SERINC5: variants seen among roughly 807,000 people sequenced by gnomAD.
The protein encoded by SERINC5 is chromosome 5 open reading frame 12.
SERINC5 carries 41 observed loss-of-function variants against 63.1 expected under a neutral mutation model. The observed-to-expected ratio is 0.65, with a 90% confidence interval of 0.51 to 0.84. The LOEUF is 0.84. Among genes scored for constraint, SERINC5 ranks in the 40% least tolerant of loss-of-function variants. The pLI is 0.00. For synonymous variants in SERINC5, 222 were observed against 215.2 expected (o/e 1.03, Z -0.28); for missense variants, 523 against 573.0 (o/e 0.91, Z 0.89).
At position 80,122,197 on chromosome 5, in the gene SERINC5, G is replaced by GTA. The variant is rs10700420; in HGVS notation, c.1239-8574_1239-8573dup. Among the ~76,000 whole-genome samples the GTA allele has an allele frequency of 4.1e-3, 484 of 116,726 alleles. 24 individuals carry two copies. Among genetic ancestry groups the GTA allele is most frequent in the African/African-American group, 0.014 (361 of 25,292 alleles). The allele number at this position is 116,726 out of a possible 152,430, so 76.6% of individuals were successfully genotyped here. A position where few individuals can be genotyped will look rare whatever the true frequency, so the allele number is the denominator to read the frequency against. ...CTTCTCTAGAGGGACAGAACTAATA[G>GTA]TATATATATATATATAATATGAGTT... is the stretch of plus-strand genomic sequence containing the variant. On this transcript the variant is annotated intron_variant, in intron 11 of 12. Coordinates refer to the SERINC5 transcript ENST00000509193.
downstream of SERINC5, among the ~76,000 whole-genome samples, chr5:80,136,183 TG>T (rs1451770343): frequency 1.3e-5 from 2 of 152,032 alleles, no homozygotes; most frequent in Non-Finnish European, 2.9e-5. Context: ...CTCGGGAGGC[TG>T]GGGTGGAACA....
At chr5:80,203,265 T>C in intron 1 of SERINC5, 1 of 205,600 alleles carries the variant, frequency 4.9e-6, no homozygotes. Flanking sequence ...CACATATATA[T>C]ATATATGTGT....
At chr5:80,176,871 TC>T (rs1204396917) in intron 4 of SERINC5, among the ~76,000 whole-genome samples, 2 of 152,222 alleles carry the variant, frequency 1.3e-5, no homozygotes, top group African/African-American at 4.8e-5. Flanking sequence ...ATTAAAGGCT[TC>T]ATATTAATGA....
chr5:80,185,860 C>A (rs534510952), intron 2 of SERINC5, among the ~76,000 whole-genome samples: 2 of 152,166 alleles, frequency 1.3e-5, no homozygotes, highest in South Asian at 4.1e-4. Context: ...ACATTCACTT[C>A]TTTTGTGATT....
chr5:80,225,543 A>ATCCCT (rs907699010), intron 1 of SERINC5, among the ~76,000 whole-genome samples: 1 of 152,144 alleles, frequency 6.6e-6, no homozygotes, highest in African/African-American at 2.4e-5. Context: ...AAGTTACCTT[A>ATCCCT]TTTTTGGAAC....
chr5:80,177,246 C>T (rs1317037908), intron 4 of SERINC5, 69 bp downstream of exon 4: 30 of 1,090,522 alleles, frequency 2.8e-5, no homozygotes, highest in Middle Eastern at 4.0e-4. Context: ...CTTTGGACTG[C>T]GCTTCTGAGC....
At chr5:80,131,523 G>A (rs2164993) in intron 11 of SERINC5, among the ~76,000 whole-genome samples, 38,444 of 151,052 alleles carry the variant, frequency 0.25, 5,683 homozygotes, top group Admixed American at 0.35. Flanking sequence ...GAGAGCCTGC[G>A]GGGGAGAGGG....
chr5:80,172,515 A>C (rs1747734609), intron 5 of SERINC5, among the ~76,000 whole-genome samples: 1 of 152,214 alleles, frequency 6.6e-6, no homozygotes, highest in African/African-American at 2.4e-5. Context: ...GAAAGTGTTC[A>C]AGCAACCCAG....
At chr5:80,147,940 C>T (rs1745926388) in intron 9 of SERINC5, among the ~76,000 whole-genome samples, 1 of 152,154 alleles carries the variant, frequency 6.6e-6, no homozygotes, top group African/African-American at 2.4e-5. Flanking sequence ...AGTCACCAAA[C>T]TAGCTTAGTG....
At chr5:80,214,686 T>C (rs6898414) in intron 1 of SERINC5, among the ~76,000 whole-genome samples, 28,149 of 152,066 alleles carry the variant, frequency 0.19, 3,225 homozygotes, top group African/African-American at 0.32. Flanking sequence ...CACTTGAGGC[T>C]ATGAGTTGGA....
chr5:80,254,541 G>A (rs1752563944), intron 1 of SERINC5, among the ~76,000 whole-genome samples: 1 of 152,206 alleles, frequency 6.6e-6, no homozygotes, highest in Non-Finnish European at 1.5e-5. Context: ...CTAAAGAGCT[G>A]TATCATTACT....
At chr5:80,164,379 T>C (rs888668808) in intron 7 of SERINC5, among the ~76,000 whole-genome samples, 13 of 152,114 alleles carry the variant, frequency 8.5e-5, no homozygotes, top group African/African-American at 2.6e-4. Flanking sequence ...TTCCTTATTT[T>C]ATTTTATTTT....
chr5:80,146,047 TA>T (rs1745800886), intron 11 of SERINC5, 42 bp downstream of exon 11: 2 of 1,608,008 alleles, frequency 1.2e-6, no homozygotes, highest in Non-Finnish European at 8.5e-7. Context: ...CTCTTAACTT[TA>T]AGGCTTTGCT....
At chr5:80,165,908 A>C (rs550529829) in intron 7 of SERINC5, among the ~76,000 whole-genome samples, 1 of 152,362 alleles carries the variant, frequency 6.6e-6, no homozygotes, top group South Asian at 2.1e-4. Context: ...GAAAAAGTCT[A>C]GATCATCTCT....
intron 1 of SERINC5, among the ~76,000 whole-genome samples, chr5:80,206,478 C>T (rs528325219): frequency 2.0e-4 from 31 of 152,290 alleles, no homozygotes; most frequent in African/African-American, 6.7e-4. Flanking sequence ...CTCCATCTTA[C>T]GTCCGATTTT....
chr5:80,218,845 A>C (rs1750782551), intron 1 of SERINC5, among the ~76,000 whole-genome samples: 1 of 151,994 alleles, frequency 6.6e-6, no homozygotes, highest in South Asian at 2.1e-4. Context: ...ACATCACAGA[A>C]AGGGCTCACT....
rs181100337 is a variant in SERINC5, at chr5:80,228,657, C to T, written c.28-25604G>A. On this transcript the variant is annotated intron_variant, in intron 1 of 11. Coordinates refer to ENST00000507668, the MANE Select transcript of SERINC5 (RefSeq NM_001174072.3). ...TTTATTTTTTGTTTGCTATACTCCC[C>T]AGGCTGGTCTTAAACTCCCAGCCTC... is the stretch of plus-strand genomic sequence containing the variant. Among the ~76,000 whole-genome samples the T allele has an allele frequency of 1.4e-3, 210 of 152,100 alleles. 2 individuals are homozygous for T. Among genetic ancestry groups the T allele is most frequent in the Middle Eastern group, 3.4e-3 (1 of 294 alleles).
chr5:80,159,204 C>T (rs1746729370), intron 7 of SERINC5, among the ~76,000 whole-genome samples: 1 of 152,162 alleles, frequency 6.6e-6, no homozygotes, highest in Non-Finnish European at 1.5e-5. Context: ...CAGCTCAGTG[C>T]CATGGGGCTC....
intron 1 of SERINC5, among the ~76,000 whole-genome samples, chr5:80,207,846 G>GATATAT (rs1312612745): frequency 6.6e-6 from 1 of 152,158 alleles, no homozygotes; most frequent in Non-Finnish European, 1.5e-5. Context: ...TATACCAGGT[G>GATATAT]GAAATTCAAA....
Sources: gnomAD v4.1 joint callset for allele counts (sites outside exome capture counted in the v4.1 genomes callset) on GRCh38, gnomAD v4.1.1 for gene constraint, MANE v1.5 for transcripts, NCBI Gene and HGNC (gene_info 2026-07-23, HGNC 2026-07-21) for gene names.